KCNK12: variants seen among roughly 807,000 people sequenced by gnomAD.
KCNK12 encodes the protein potassium channel subfamily K member 12.
In KCNK12, 6 loss-of-function variants were observed where a neutral mutation model predicts 25.3. That is an observed-to-expected ratio of 0.24 (90% CI 0.13 to 0.47). KCNK12 has a LOEUF of 0.47. Among genes scored for constraint, KCNK12 ranks in the 20% least tolerant of loss-of-function variants. KCNK12 has a pLI of 0.99. For synonymous variants in KCNK12, 331 were observed against 311.1 expected (o/e 1.06, Z -0.67); for missense variants, 444 against 661.7 (o/e 0.67, Z 3.61).
In KCNK12 at chr2:47,570,087, G is replaced by T; in HGVS notation, c.245C>A (p.Ala82Glu). The T allele has an allele frequency of 7.2e-7, 1 of 1,387,078 alleles. No individual in the cohort carries two copies. The highest frequency in any genetic ancestry group is 9.3e-7 in the Non-Finnish European group (1 of 1,071,198). The allele number at this position is 1,387,078 out of a possible 1,614,324, so 85.9% of individuals were successfully genotyped here. The change falls in exon 1 of 2, where the codon GCG (alanine) becomes GAG (glutamate). Residue 82 changes from alanine to glutamate, a missense_variant. By Grantham distance (107) the Ala-to-Glu change is moderately radical. Around this residue, in one of 8 missense-constraint regions of KCNK12, gnomAD observed 106 missense variants for 142.2 expected, o/e 0.75. Coordinates refer to ENST00000327876, the MANE Select transcript of KCNK12 (RefSeq NM_022055.2). Reference sequence around the variant, plus strand: ...CAGCTCTGGCTCGGCCACGCCGTGCGCAGCGCTGAAGTTGCGCAGCGTGGC... The same window carrying T: ...CAGCTCTGGCTCGGCCACGCCGTGCTCAGCGCTGAAGTTGCGCAGCGTGGC... The part of the protein sequence containing the change: ...WGATLRNFSA[A>E]HGVAEPELRA...
intron 1 of KCNK12, among the ~76,000 whole-genome samples, chr2:47,526,869 G>A (rs1668791638): frequency 6.6e-6 from 1 of 152,216 alleles, no homozygotes; most frequent in Admixed American, 6.5e-5. Flanking sequence ...TCCAGTGTCG[G>A]CCCATTTAAT....
At chr2:47,563,268 C>G (rs1412025179) in intron 1 of KCNK12, 1 of 233,510 alleles carries the variant, frequency 4.3e-6, no homozygotes, top group South Asian at 1.8e-4. Context: ...CTGTGCGTAG[C>G]GCAACACTCA....
At chr2:47,537,019 A>G (rs1012276805) in intron 1 of KCNK12, among the ~76,000 whole-genome samples, 2 of 152,134 alleles carry the variant, frequency 1.3e-5, no homozygotes, top group African/African-American at 4.8e-5. Context: ...CTCTCACTCC[A>G]TCTTGGTCAT....
In KCNK12 at chr2:47,566,303, T is replaced by A. The variant is rs1051787780; in HGVS notation, c.391+3638A>T. 1 of 152,054 alleles carries A rather than the reference T, an allele frequency of 6.6e-6. No individual in the cohort carries two copies. Among genetic ancestry groups the A allele is most frequent in the African/African-American group, 2.4e-5 (1 of 41,388 alleles). 9.4% of individuals were successfully genotyped at this position (152,054 alleles called of 1,614,324 possible). A position where few individuals can be genotyped will look rare whatever the true frequency, so the allele number is the denominator to read the frequency against. On this transcript the variant is annotated intron_variant, in intron 1 of 1. Coordinates refer to ENST00000327876, the MANE Select transcript of KCNK12 (RefSeq NM_022055.2). This position sits in a 1 kb window ranked among gnomAD's most constrained non-coding sequence, Gnocchi z 4.1. ...TTGTGGTGTTCCATGTAACCTTGAG[T>A]ACACACAGCCATACCTGAACCTTTC...
chr2:47,520,853 C>T lies in KCNK12; in HGVS notation c.*54G>A. ...AGCAGTGACTGAGAGAAGCAAACCA[C>T]GCCCGGCGGCCCCGCGGCCTGGAGA... On this transcript the variant is annotated 3_prime_UTR_variant, in exon 2 of 2. Transcript: ENST00000327876. This position sits in a 1 kb window ranked among gnomAD's most constrained non-coding sequence, Gnocchi z 5.0. 3 of 1,173,362 alleles carry T rather than the reference C, an allele frequency of 2.6e-6. No individual in the cohort carries two copies. Among genetic ancestry groups the T allele is most frequent in the Non-Finnish European group, 3.2e-6 (3 of 932,580 alleles). The allele number at this position is 1,173,362 out of a possible 1,614,324, so 72.7% of individuals were successfully genotyped here.
rs1668413923 is a variant in KCNK12, at chr2:47,512,006, G to A, written c.*8901C>T. On this transcript the variant is annotated 3_prime_UTR_variant, in exon 2 of 2. Transcript: ENST00000327876. ...GGAGAATGGTACTTTACTTGTCCTTGGGGAAGCAGAAACAAATGAAAACGA... is the reference window on the plus strand; with the variant it reads ...GGAGAATGGTACTTTACTTGTCCTTAGGGAAGCAGAAACAAATGAAAACGA... 6.6e-6 allele frequency among the ~76,000 whole-genome samples: 1 copy of A among 152,150 alleles called. No homozygotes were observed. The highest frequency in any genetic ancestry group is 2.1e-4 in the South Asian group (1 of 4,824).
rs572442768 is a variant in KCNK12, at chr2:47,517,899, C to G, written c.*3008G>C. The G allele has an allele frequency of 3.3e-5, 5 of 152,292 alleles. No individual in the cohort carries two copies. The South Asian group carries it at 1.0e-3, about 32-fold the overall frequency. 9.4% of individuals were successfully genotyped at this position (152,292 alleles called of 1,614,324 possible). A position where few individuals can be genotyped will look rare whatever the true frequency, so the allele number is the denominator to read the frequency against. On this transcript the variant is annotated 3_prime_UTR_variant, in exon 2 of 2. Transcript: ENST00000327876. The surrounding 1 kb of genome is among the most constrained non-coding windows in gnomAD (Gnocchi z 4.1). Reference sequence around the variant, plus strand: ...AAACTTTAAGGGAGCCCCACAGCACCGGCATGATGGGTAAGTCCAGGCCTA... The same window carrying G: ...AAACTTTAAGGGAGCCCCACAGCACGGGCATGATGGGTAAGTCCAGGCCTA...
chr2:47,546,146 G>C (rs1230666700), intron 1 of KCNK12, among the ~76,000 whole-genome samples: 1 of 152,212 alleles, frequency 6.6e-6, no homozygotes, highest in African/African-American at 2.4e-5. Flanking sequence ...GAGTCCCAAT[G>C]ATCAGGCTTG....
rs1021444300 is a variant in KCNK12, at chr2:47,548,319, T to C, written c.391+21622A>G. 2.6e-5 allele frequency among the ~76,000 whole-genome samples: 4 copies of C among 152,208 alleles called. No homozygotes were observed. Among genetic ancestry groups the C allele is most frequent in the African/African-American group, 9.6e-5 (4 of 41,458 alleles). ...CAAACCCAACCTGTCCCTTGAGTTC[T>C]AGACTGGCCTATCCACTATCTAACT... is the stretch of plus-strand genomic sequence containing the variant. On this transcript the variant is annotated intron_variant, in intron 1 of 1. Coordinates refer to ENST00000327876, the MANE Select transcript of KCNK12 (RefSeq NM_022055.2). This position sits in a 1 kb window ranked among gnomAD's most constrained non-coding sequence, Gnocchi z 4.4.
At chr2:47,523,599 A>C (rs939941771) in intron 1 of KCNK12, among the ~76,000 whole-genome samples, 9 of 152,344 alleles carry the variant, frequency 5.9e-5, no homozygotes, top group African/African-American at 1.7e-4. Flanking sequence ...CATGCCATCC[A>C]GGGCAGTGCA....
chr2:47,570,177 GC>G lies in KCNK12; in HGVS notation c.154del (p.Ala52ArgfsTer79). ...LAALIGLYLVAGATVFSALES... is the reference protein window; with the variant it reads ...LAALIGLYLVXGATVFSALES... ...GAGCGCCGAGAAGACTGTGGCACCC[GC>G]CACCAGGTAGAGGCCGATGAGCGCC... On this transcript the variant is annotated frameshift_variant, in exon 1 of 2. Coordinates refer to ENST00000327876, the MANE Select transcript of KCNK12 (RefSeq NM_022055.2). LOFTEE classifies it high-confidence loss of function. 1 of 1,488,062 alleles carries G rather than the reference GC, an allele frequency of 6.7e-7. No homozygotes were observed. The highest frequency in any genetic ancestry group is 8.9e-7 in the Non-Finnish European group (1 of 1,122,758). 92.2% of individuals were successfully genotyped at this position (1,488,062 alleles called of 1,614,324 possible).
chr2:47,536,911 A>G (rs981371412), intron 1 of KCNK12, among the ~76,000 whole-genome samples: 2 of 152,234 alleles, frequency 1.3e-5, no homozygotes, highest in African/African-American at 2.4e-5. Flanking sequence ...TGCTCATACT[A>G]ACCAGATGAG....
rs1322318840 is a variant in KCNK12, at chr2:47,516,183, C to T, written c.*4724G>A. On this transcript the variant is annotated 3_prime_UTR_variant, in exon 2 of 2. Transcript: ENST00000327876. Reference sequence around the variant, plus strand: ...CCATAATGTGAGTGTTCTGTGTTTACAGGGTGTATTCAAGTCCATGACTGC... The same window carrying T: ...CCATAATGTGAGTGTTCTGTGTTTATAGGGTGTATTCAAGTCCATGACTGC... 1.3e-5 allele frequency among the ~76,000 whole-genome samples: 2 copies of T among 152,188 alleles called. No individual in the cohort carries two copies. The highest frequency in any genetic ancestry group is 4.8e-5 in the African/African-American group (2 of 41,436).
intron 1 of KCNK12, among the ~76,000 whole-genome samples, chr2:47,534,565 C>A (rs1669017908): frequency 6.9e-6 from 1 of 145,378 alleles, no homozygotes; most frequent in African/African-American, 2.5e-5. Context: ...TCATCTCAGC[C>A]CAGAATTTTG....
Position 47,557,568 on chromosome 2 carries a change from A to C in KCNK12, c.391+12373T>G, listed in dbSNP as rs1417804403. Reference sequence around the variant, plus strand: ...TCCCTAACCACTACATTGTACTGCAAATTGTCACTTGGCAATGCAGATTTC... The same window carrying C: ...TCCCTAACCACTACATTGTACTGCACATTGTCACTTGGCAATGCAGATTTC... On this transcript the variant is annotated intron_variant, in intron 1 of 1. Transcript: ENST00000327876. This position sits in a 1 kb window ranked among gnomAD's most constrained non-coding sequence, Gnocchi z 4.9. Among the ~76,000 whole-genome samples the C allele has an allele frequency of 6.6e-6, 1 of 152,152 alleles. No homozygotes were observed. Among genetic ancestry groups the C allele is most frequent in the Non-Finnish European group, 1.5e-5 (1 of 68,022 alleles).
rs1463485354 is a variant in KCNK12, at chr2:47,521,819, A to G, written c.392-11T>C. On this transcript the variant is annotated splice_polypyrimidine_tract_variant and intron_variant, in intron 1 of 1. Transcript: ENST00000327876. ...TGGTCATGCCGAAACCTGTGGAGACAGGGCAGGGTCAGCGCGGTCCTGGCC... is the reference window on the plus strand; with the variant it reads ...TGGTCATGCCGAAACCTGTGGAGACGGGGCAGGGTCAGCGCGGTCCTGGCC... 7.9e-6 allele frequency: 10 copies of G among 1,261,360 alleles called. No homozygotes were observed. Among genetic ancestry groups the G allele is most frequent in the Non-Finnish European group, 1.0e-5 (10 of 984,028 alleles). The allele number at this position is 1,261,360 out of a possible 1,614,324, so 78.1% of individuals were successfully genotyped here.
chr2:47,526,878 A>G (rs1455410684), intron 1 of KCNK12, among the ~76,000 whole-genome samples: 1 of 152,264 alleles, frequency 6.6e-6, no homozygotes, highest in Non-Finnish European at 1.5e-5. Flanking sequence ...GGCCCATTTA[A>G]TAAACTGGTT....
Position 47,512,077 on chromosome 2 carries a change from T to G in KCNK12, c.*8830A>C, listed in dbSNP as rs542036582. On this transcript the variant is annotated 3_prime_UTR_variant, in exon 2 of 2. Coordinates refer to ENST00000327876, the MANE Select transcript of KCNK12 (RefSeq NM_022055.2). The stretch of plus-strand genomic sequence containing the variant: ...TTCTCATGGGGTGGGGTATGTGTGT[T>G]GAAGCTGCACCTTCAGCAGGAACCT... Among the ~76,000 whole-genome samples, 1 of 152,258 alleles carries G rather than the reference T, an allele frequency of 6.6e-6. No individual in the cohort carries two copies. Among genetic ancestry groups the G allele is most frequent in the African/African-American group, 2.4e-5 (1 of 41,558 alleles).
chr2:47,532,228 A>T (rs1195235512), intron 1 of KCNK12, among the ~76,000 whole-genome samples: 2 of 45,060 alleles, frequency 4.4e-5, no homozygotes, highest in Non-Finnish European at 7.7e-5. Flanking sequence ...TAAATAGCAT[A>T]AAAAAAAAAA....
Sources: gnomAD v4.1 joint callset for allele counts (sites outside exome capture counted in the v4.1 genomes callset) on GRCh38, gnomAD v4.1.1 for gene constraint, gnomAD v4.1.1 regional missense constraint, Gnocchi (gnomAD v3.1) non-coding constraint, MANE v1.5 for transcripts, NCBI Gene and HGNC (gene_info 2026-07-23, HGNC 2026-07-21) for gene names.